Variants in CTNNA3 observed in about 807,000 individuals in gnomAD.
The protein encoded by CTNNA3 is catenin alpha 3.
In CTNNA3, 76 loss-of-function variants were observed where a neutral mutation model predicts 95.7. The observed-to-expected ratio is 0.79, with a 90% CI of 0.66 to 0.96. CTNNA3 has a LOEUF of 0.96. CTNNA3 is among the 40% of genes least tolerant of loss of function. The pLI is 0.00. For missense variants in CTNNA3, 1,191 were observed against 1,089.8 expected, an observed-to-expected ratio of 1.09 and a Z score of -1.31; for synonymous variants, 431 against 374.4, an observed-to-expected ratio of 1.15 and a Z score of -1.74.
At chr10:67,000,753 C>A (rs1230286306) in intron 7 of CTNNA3, among the ~76,000 whole-genome samples, 1 of 152,086 alleles carries the variant, frequency 6.6e-6, no homozygotes, top group Non-Finnish European at 1.5e-5. Context: ...CACCCCACAC[C>A]TGACAATTAC....
chr10:66,054,280 T>A (rs1428698825), intron 15 of CTNNA3, among the ~76,000 whole-genome samples: 1 of 152,150 alleles, frequency 6.6e-6, no homozygotes, highest in Non-Finnish European at 1.5e-5. Flanking sequence ...AAGTTCTAAT[T>A]TTAGATTTTG....
At chr10:67,715,582 C>A (rs940988816) in intron 1 of CTNNA3, among the ~76,000 whole-genome samples, 1 of 152,126 alleles carries the variant, frequency 6.6e-6, no homozygotes, top group African/African-American at 2.4e-5. Flanking sequence ...CTTCTCTGAA[C>A]TGTTACTCTA....
chr10:67,447,337 A>C (rs1480319814), intron 5 of CTNNA3, among the ~76,000 whole-genome samples: 2 of 152,196 alleles, frequency 1.3e-5, no homozygotes, highest in Admixed American at 6.5e-5. Context: ...TTTCTTTGAA[A>C]TCTTTCAGTA....
intron 11 of CTNNA3, among the ~76,000 whole-genome samples, chr10:66,394,196 T>C (rs2092956142): frequency 6.6e-6 from 1 of 152,004 alleles, no homozygotes; most frequent in Non-Finnish European, 1.5e-5. Flanking sequence ...CTGGTAATGT[T>C]AACATTCTGG....
rs536344915 is a variant in CTNNA3, at chr10:67,563,106, C to T, written c.293-23437G>A. ...TTCAATGCCATCCCCATCAAGCTAC[C>T]AATGACTTTCTTCACAGAATTGGAA... is the stretch of plus-strand genomic sequence containing the variant. On this transcript the variant is annotated intron_variant, in intron 3 of 17. Coordinates refer to ENST00000433211, the MANE Select transcript of CTNNA3 (RefSeq NM_013266.4). 3.9e-5 allele frequency among the ~76,000 whole-genome samples: 6 copies of T among 152,152 alleles called. No homozygotes were observed. The South Asian group carries it at 1.3e-3, about 32-fold the overall frequency.
intron 17 of CTNNA3, among the ~76,000 whole-genome samples, chr10:65,931,091 C>A (rs2077245600): frequency 6.6e-6 from 1 of 152,090 alleles, no homozygotes; most frequent in Admixed American, 6.6e-5. Flanking sequence ...TTTGAAGATT[C>A]AACCATGGTT....
chr10:67,182,402 A>G (rs1475942258), intron 6 of CTNNA3, among the ~76,000 whole-genome samples: 3 of 152,154 alleles, frequency 2.0e-5, no homozygotes, highest in Non-Finnish European at 4.4e-5. Flanking sequence ...CAACCATCTG[A>G]TCTTTGACAA....
At chr10:66,467,921 T>C (rs1474728017) in intron 11 of CTNNA3, among the ~76,000 whole-genome samples, 2 of 152,162 alleles carry the variant, frequency 1.3e-5, no homozygotes, top group African/African-American at 4.8e-5. Context: ...TTAATGTACA[T>C]ATTTTCTTTT....
intron 10 of CTNNA3, among the ~76,000 whole-genome samples, chr10:66,524,372 G>A (rs1330173380): frequency 2.0e-5 from 3 of 152,096 alleles, no homozygotes; most frequent in Non-Finnish European, 4.4e-5. Context: ...CTGTCCCTAA[G>A]AGAAACTATT....
At chr10:66,457,901 GAAGTGAT>G (rs2093505303) in intron 11 of CTNNA3, among the ~76,000 whole-genome samples, 1 of 152,146 alleles carries the variant, frequency 6.6e-6, no homozygotes, top group African/African-American at 2.4e-5. Flanking sequence ...CAAAACCCAT[GAAGTGAT>G]GAGTAACTGT....
At chr10:67,050,613 T>C (rs955578843) in intron 7 of CTNNA3, among the ~76,000 whole-genome samples, 5 of 152,178 alleles carry the variant, frequency 3.3e-5, no homozygotes, top group Admixed American at 1.3e-4. Flanking sequence ...CTCTCTAGGC[T>C]CTTTGGTACG....
rs1215283855 is a variant in CTNNA3 at position 66,549,816 on chromosome 10, T to G, written c.1375-29043A>C. On this transcript the variant is annotated intron_variant, in intron 10 of 17. Coordinates refer to ENST00000433211, the MANE Select transcript of CTNNA3 (RefSeq NM_013266.4). The stretch of plus-strand genomic sequence containing the variant: ...TATCTACTTTGATTTCTACTTTAAT[T>G]ATGTTGTGGTCAGAGTGCACACCTC... 2.6e-5 allele frequency among the ~76,000 whole-genome samples: 4 copies of G among 152,190 alleles called. No homozygotes were observed. The East Asian group carries it at 7.7e-4, about 29-fold the overall frequency.
At chr10:66,340,316 A>C (rs2092440598) in intron 12 of CTNNA3, among the ~76,000 whole-genome samples, 1 of 151,868 alleles carries the variant, frequency 6.6e-6, no homozygotes, top group African/African-American at 2.4e-5. Flanking sequence ...TTCTATGTCA[A>C]GTTCCAGAGA....
intron 10 of CTNNA3, among the ~76,000 whole-genome samples, chr10:66,587,636 T>G (rs1485304286): frequency 6.6e-6 from 1 of 152,100 alleles, no homozygotes; most frequent in Non-Finnish European, 1.5e-5. Flanking sequence ...CACAGCTGCC[T>G]CTGTTGCACA....
At chr10:67,572,186 A>AT (rs1235938121) in intron 3 of CTNNA3, among the ~76,000 whole-genome samples, 3 of 152,052 alleles carry the variant, frequency 2.0e-5, no homozygotes, top group African/African-American at 7.2e-5. Flanking sequence ...TAAATATTTG[A>AT]TTTTTTTCTA....
chr10:67,235,627 C>G (rs943779665), intron 5 of CTNNA3, among the ~76,000 whole-genome samples: 2 of 142,246 alleles, frequency 1.4e-5, no homozygotes. Context: ...GTTTAAAACA[C>G]CAAAAGCAAT....
intron 11 of CTNNA3, among the ~76,000 whole-genome samples, chr10:66,405,964 T>G (rs1444913005): frequency 6.6e-6 from 1 of 152,184 alleles, no homozygotes; most frequent in Admixed American, 6.5e-5. Context: ...CAGACTGCTT[T>G]GTCCGCTTAT....
intron 7 of CTNNA3, among the ~76,000 whole-genome samples, chr10:67,084,816 T>C (rs1857216595): frequency 6.6e-6 from 1 of 152,010 alleles, no homozygotes; most frequent in South Asian, 2.1e-4. Context: ...TTAAGGTTCA[T>C]CCTTTCCTTC....
At chr10:67,352,012 C>T (rs1001244455) in intron 5 of CTNNA3, among the ~76,000 whole-genome samples, 16 of 151,994 alleles carry the variant, frequency 1.1e-4, no homozygotes, top group African/African-American at 3.6e-4. Context: ...ATATGCCAAG[C>T]ACTGTGCTAG....
Sources: allele counts gnomAD v4.1 joint callset (sites outside exome capture counted in the v4.1 genomes callset), GRCh38; gene constraint gnomAD v4.1.1; transcripts MANE v1.5; gene names NCBI Gene and HGNC (gene_info 2026-07-23, HGNC 2026-07-21).